The following RASAL2 variants were observed in gnomAD, a reference collection of about 807,000 sequenced individuals.
RASAL2 encodes the protein RAS protein activator like 2.
A neutral mutation model predicts 128.9 loss-of-function variants in RASAL2; 58 were observed. The observed-to-expected ratio is 0.45, with a 90% CI of 0.36 to 0.56. RASAL2 has a LOEUF of 0.56. RASAL2 is among the 20% of genes least tolerant of loss of function. RASAL2 has a pLI of 0.00. For synonymous variants in RASAL2, 561 were observed against 580.8 expected (o/e 0.97, Z 0.49); for missense variants, 1,360 against 1,601.6 (o/e 0.85, Z 2.57).
intron 4 of RASAL2, among the ~76,000 whole-genome samples, chr1:178,410,677 A>G (rs540012725): frequency 6.6e-6 from 1 of 152,296 alleles, no homozygotes; most frequent in South Asian, 2.1e-4. Context: ...TCAAGAAAAA[A>G]AAAACAGATA....
At chr1:178,240,476 T>C (rs1458430119) in intron 1 of RASAL2, among the ~76,000 whole-genome samples, 1 of 152,016 alleles carries the variant, frequency 6.6e-6, no homozygotes, top group African/African-American at 2.4e-5. Context: ...AGTTTTTTTT[T>C]CTTAGCCTTA....
chr1:178,324,614 T>C (rs897702438), intron 3 of RASAL2, among the ~76,000 whole-genome samples: 2 of 152,112 alleles, frequency 1.3e-5, no homozygotes, highest in Admixed American at 6.6e-5. Flanking sequence ...TCTTGAAATA[T>C]ATTTGGAGAC....
intron 1 of RASAL2, among the ~76,000 whole-genome samples, chr1:178,264,585 G>T (rs1571736352): frequency 6.6e-6 from 1 of 152,114 alleles, no homozygotes; most frequent in East Asian, 1.9e-4. Context: ...TTACCAAAAG[G>T]ATATCATAGA....
chr1:178,145,709 T>C (rs1046578413), intron 1 of RASAL2, among the ~76,000 whole-genome samples: 1 of 152,216 alleles, frequency 6.6e-6, no homozygotes, highest in African/African-American at 2.4e-5. Flanking sequence ...TTTCCTCTTC[T>C]TCCTATCATC....
intron 1 of RASAL2, among the ~76,000 whole-genome samples, chr1:178,210,509 A>AT: frequency 6.6e-6 from 1 of 152,288 alleles, no homozygotes; most frequent in East Asian, 1.9e-4. Flanking sequence ...AACTTAAAAG[A>AT]TTTTTTGTGA....
intron 3 of RASAL2, among the ~76,000 whole-genome samples, chr1:178,330,931 A>G: frequency 6.6e-6 from 1 of 152,222 alleles, no homozygotes; most frequent in African/African-American, 2.4e-5. Context: ...GTTTGTGCCA[A>G]GTACTGTTCT....
At chr1:178,098,070 C>A (rs1318517260) in intron 1 of RASAL2, among the ~76,000 whole-genome samples, 1 of 152,132 alleles carries the variant, frequency 6.6e-6, no homozygotes, top group Non-Finnish European at 1.5e-5. Flanking sequence ...TAAAATGTTT[C>A]ATTTGTTTTA....
At chr1:178,396,497 T>C (rs1001954942) in intron 4 of RASAL2, among the ~76,000 whole-genome samples, 2 of 152,094 alleles carry the variant, frequency 1.3e-5, no homozygotes, top group Non-Finnish European at 2.9e-5. Context: ...AAGCCAGAGA[T>C]GTAGAAAAGA....
chr1:178,358,167 C>T (rs898195557), intron 3 of RASAL2, among the ~76,000 whole-genome samples: 2 of 129,220 alleles, frequency 1.5e-5, no homozygotes, highest in African/African-American at 2.9e-5. Context: ...ACCTGGGAGG[C>T]GGAGGTTGCA....
intron 1 of RASAL2, among the ~76,000 whole-genome samples, chr1:178,220,637 A>C (rs1277765728): frequency 6.6e-6 from 1 of 152,230 alleles, no homozygotes; most frequent in Non-Finnish European, 1.5e-5. Flanking sequence ...AAGTGCTAAA[A>C]AAATGAGATA....
intron 1 of RASAL2, among the ~76,000 whole-genome samples, chr1:178,253,408 A>G (rs1206058222): frequency 2.0e-5 from 3 of 152,208 alleles, no homozygotes; most frequent in African/African-American, 4.8e-5. Flanking sequence ...TGGGGGGCAT[A>G]CAATTCAACC....
intron 4 of RASAL2, among the ~76,000 whole-genome samples, chr1:178,409,930 C>T (rs564256079): frequency 1.8e-4 from 28 of 152,256 alleles, no homozygotes; most frequent in South Asian, 6.2e-4. Flanking sequence ...TGGTTTCATC[C>T]GGTACAGCTA....
intron 1 of RASAL2, among the ~76,000 whole-genome samples, chr1:178,216,257 A>T (rs529585814): frequency 7.2e-5 from 11 of 152,306 alleles, no homozygotes; most frequent in Non-Finnish European, 1.6e-4. Context: ...ATGAAAATCC[A>T]CTGTTTGTGA....
At chr1:178,235,160 C>T (rs892033294) in intron 1 of RASAL2, among the ~76,000 whole-genome samples, 3 of 152,052 alleles carry the variant, frequency 2.0e-5, no homozygotes, top group Non-Finnish European at 4.4e-5. Context: ...GTTTCCTTGC[C>T]AGGTGATCAT....
At chr1:178,238,183 A>G (rs894040100) in intron 1 of RASAL2, among the ~76,000 whole-genome samples, 2 of 152,200 alleles carry the variant, frequency 1.3e-5, no homozygotes, top group African/African-American at 2.4e-5. Flanking sequence ...ACAATATGTG[A>G]CATTTTGTGT....
intron 3 of RASAL2, among the ~76,000 whole-genome samples, chr1:178,344,137 T>A (rs1169886482): frequency 1.3e-5 from 2 of 152,156 alleles, no homozygotes; most frequent in Non-Finnish European, 2.9e-5. Context: ...TTTTAAAATT[T>A]TTTCCCATGA....
chr1:178,273,927 G>A (rs1438945355), intron 1 of RASAL2, among the ~76,000 whole-genome samples: 1 of 152,212 alleles, frequency 6.6e-6, no homozygotes, highest in South Asian at 2.1e-4. Context: ...ATCGAATTGG[G>A]TTATCTAATT....
chr1:178,410,225 CAG>C (rs2102697991), intron 4 of RASAL2, among the ~76,000 whole-genome samples: 1 of 151,052 alleles, frequency 6.6e-6, no homozygotes, highest in East Asian at 1.9e-4. Flanking sequence ...GGGAGGAAAT[CAG>C]AGAAAAAAAT....
At chr1:178,375,637 T>C (rs888034848) in intron 3 of RASAL2, among the ~76,000 whole-genome samples, 2 of 152,140 alleles carry the variant, frequency 1.3e-5, no homozygotes, top group African/African-American at 2.4e-5. Flanking sequence ...TGCAGATGAA[T>C]GTTTGTGTAG....
Sources: allele counts gnomAD v4.1 joint callset (sites outside exome capture counted in the v4.1 genomes callset), GRCh38; gene constraint gnomAD v4.1.1; transcripts MANE v1.5; gene names NCBI Gene and HGNC (gene_info 2026-07-23, HGNC 2026-07-21).